Variants in PDGFD observed in about 807,000 individuals in gnomAD.
The protein encoded by PDGFD is platelet-derived growth factor D.
Under a neutral mutation model 44.7 loss-of-function variants are expected in PDGFD, and 30 were observed. That is an observed-to-expected ratio of 0.67 (90% CI 0.50 to 0.91). The LOEUF (loss-of-function observed/expected upper bound fraction) is 0.91, where lower values mean the gene tolerates loss of function less well. Ranked by LOEUF, PDGFD falls within the 40% of genes least tolerant of loss-of-function variation. The pLI is 0.00. For synonymous variants in PDGFD, 173 were observed against 168.4 expected (o/e 1.03, Z -0.21); for missense variants, 445 against 457.8 (o/e 0.97, Z 0.25).
At chr11:104,027,203 A>G (rs1487497331) in intron 1 of PDGFD, among the ~76,000 whole-genome samples, 2 of 152,208 alleles carry the variant, frequency 1.3e-5, no homozygotes, top group Non-Finnish European at 2.9e-5. Flanking sequence ...GTTGAAACAG[A>G]TTTGGTGATC....
At chr11:103,942,775 A>G (rs1002066679) in intron 5 of PDGFD, among the ~76,000 whole-genome samples, 4 of 152,142 alleles carry the variant, frequency 2.6e-5, no homozygotes, top group African/African-American at 9.7e-5. Context: ...AGGCAAAACT[A>G]TCAATTACAC....
intron 1 of PDGFD, among the ~76,000 whole-genome samples, chr11:104,077,447 C>G (rs577265471): frequency 1.3e-5 from 2 of 152,210 alleles, no homozygotes; most frequent in East Asian, 3.9e-4. Context: ...GGTGTCATCT[C>G]TCCTCAAAAA....
chr11:104,116,382 G>T (rs1185650846), intron 1 of PDGFD, among the ~76,000 whole-genome samples: 1 of 151,890 alleles, frequency 6.6e-6, no homozygotes, highest in Non-Finnish European at 1.5e-5. Flanking sequence ...CTGTTCCATT[G>T]GTCTATGTGC....
At chr11:104,036,949 G>A (rs1482067678) in intron 1 of PDGFD, 29 of 1,614,092 alleles carry the variant, frequency 1.8e-5, no homozygotes, top group Non-Finnish European at 2.3e-5. Flanking sequence ...AGTCCCCGTC[G>A]AAGAGATCCA....
intron 1 of PDGFD, among the ~76,000 whole-genome samples, chr11:104,122,687 T>C (rs1861793400): frequency 6.6e-6 from 1 of 151,540 alleles, no homozygotes; most frequent in African/African-American, 2.4e-5. Context: ...CTTCATTATG[T>C]AATACTGAAA....
At chr11:104,085,272 T>C (rs1428866914) in intron 1 of PDGFD, among the ~76,000 whole-genome samples, 2 of 152,196 alleles carry the variant, frequency 1.3e-5, no homozygotes, top group African/African-American at 4.8e-5. Context: ...ATGGGTTCTC[T>C]ATAATTTTCT....
chr11:104,023,552 T>A (rs1222679080), intron 1 of PDGFD, among the ~76,000 whole-genome samples: 1 of 152,190 alleles, frequency 6.6e-6, no homozygotes, highest in Non-Finnish European at 1.5e-5. Flanking sequence ...AAAAGCGCAC[T>A]ATCGATCCAT....
intron 1 of PDGFD, among the ~76,000 whole-genome samples, chr11:104,021,448 A>G (rs575944788): frequency 2.6e-5 from 4 of 152,230 alleles, no homozygotes; most frequent in African/African-American, 9.6e-5. Context: ...GGGAATGTGA[A>G]TTGACTGAGA....
chr11:104,130,289 G>A (rs1353334634), intron 1 of PDGFD, among the ~76,000 whole-genome samples: 2 of 152,044 alleles, frequency 1.3e-5, no homozygotes, highest in African/African-American at 4.8e-5. Context: ...ACAGTTTCTT[G>A]TGAGATGAGG....
At chr11:103,937,658 T>G (rs1442482393) in intron 5 of PDGFD, among the ~76,000 whole-genome samples, 1 of 151,234 alleles carries the variant, frequency 6.6e-6, no homozygotes, top group Non-Finnish European at 1.5e-5. Context: ...ACCCATTAAC[T>G]CGTCATTTAA....
chr11:104,118,722 TTATTAATA>T (rs1198370327), intron 1 of PDGFD, among the ~76,000 whole-genome samples: 1 of 128,958 alleles, frequency 7.8e-6, no homozygotes, highest in Admixed American at 9.8e-5. Context: ...TATTATTATG[TTATTAATA>T]TATTAATATA....
At position 104,095,434 on chromosome 11, in the gene PDGFD, G is replaced by A. The variant is rs200352594; in HGVS notation, c.124+68370C>T. ...GGCAGCTCTCTCAACCCTAATCTGGGTTCCATAAGTAGGAGGCTGGAGGGA... is the reference window on the plus strand; with the variant it reads ...GGCAGCTCTCTCAACCCTAATCTGGATTCCATAAGTAGGAGGCTGGAGGGA... On this transcript the variant is annotated intron_variant, in intron 1 of 6. Coordinates refer to ENST00000393158, the MANE Select transcript of PDGFD (RefSeq NM_025208.5). Among the ~76,000 whole-genome samples, 3 of 151,976 alleles carry A rather than the reference G, an allele frequency of 2.0e-5. No homozygotes were observed. The East Asian group carries it at 5.8e-4, about 29-fold the overall frequency.
intron 1 of PDGFD, among the ~76,000 whole-genome samples, chr11:104,119,768 T>TC (rs1333147105): frequency 1.8e-5 from 2 of 110,488 alleles, no homozygotes; most frequent in South Asian, 2.6e-4. Flanking sequence ...ATATAATATA[T>TC]GATAAAATAT....
chr11:104,049,629 G>C (rs980232731), intron 1 of PDGFD, among the ~76,000 whole-genome samples: 1 of 152,060 alleles, frequency 6.6e-6, no homozygotes, highest in Non-Finnish European at 1.5e-5. Context: ...CATATCTCAG[G>C]CTCAGCAGAG....
At chr11:103,920,445 C>T (rs948017878) in intron 6 of PDGFD, among the ~76,000 whole-genome samples, 4 of 152,234 alleles carry the variant, frequency 2.6e-5, no homozygotes, top group African/African-American at 9.6e-5. Context: ...CAGAGCATGG[C>T]ATTAGCATTG....
intron 3 of PDGFD, among the ~76,000 whole-genome samples, chr11:103,986,820 G>C (rs1265879340): frequency 6.6e-6 from 1 of 152,174 alleles, no homozygotes; most frequent in African/African-American, 2.4e-5. Context: ...GCAGCTGGAG[G>C]CTGCAAGATT....
At chr11:104,096,885 G>GA (rs1181351568) in intron 1 of PDGFD, among the ~76,000 whole-genome samples, 1 of 152,206 alleles carries the variant, frequency 6.6e-6, no homozygotes, top group Non-Finnish European at 1.5e-5. Context: ...GATGTGGCCA[G>GA]ACTGGTTACA....
chr11:104,161,658 G>T (rs1024396063), intron 1 of PDGFD, among the ~76,000 whole-genome samples: 1 of 152,094 alleles, frequency 6.6e-6, no homozygotes, highest in Non-Finnish European at 1.5e-5. Flanking sequence ...ATATCTGCTA[G>T]CCCTTTGAAG....
At chr11:104,145,381 AC>A in intron 1 of PDGFD, among the ~76,000 whole-genome samples, 1 of 152,224 alleles carries the variant, frequency 6.6e-6, no homozygotes, top group Non-Finnish European at 1.5e-5. Context: ...CATAGTTGAA[AC>A]AGTACTGGAT....
Sources: allele counts gnomAD v4.1 joint callset (sites outside exome capture counted in the v4.1 genomes callset), GRCh38; gene constraint gnomAD v4.1.1; transcripts MANE v1.5; gene names NCBI Gene and HGNC (gene_info 2026-07-23, HGNC 2026-07-21).